CPT1A: variants seen among roughly 807,000 people sequenced by gnomAD.
The protein encoded by CPT1A is carnitine palmitoyltransferase 1A.
CPT1A carries 64 observed loss-of-function variants against 100.8 expected under a neutral mutation model. The observed-to-expected ratio is 0.63, with a 90% CI of 0.52 to 0.78. The LOEUF (loss-of-function observed/expected upper bound fraction) is 0.78. CPT1A is among the 30% of genes least tolerant of loss of function. CPT1A has a pLI of 0.00. For synonymous variants in CPT1A, 363 were observed against 396.0 expected, an observed-to-expected ratio of 0.92 and a Z score of 0.99; for missense variants, 802 against 1,034.1, an observed-to-expected ratio of 0.78 and a Z score of 3.08.
intron 4 of CPT1A, among the ~76,000 whole-genome samples, chr11:68,807,103 C>T (rs555905390): frequency 1.6e-4 from 24 of 152,208 alleles, no homozygotes; most frequent in African/African-American, 5.5e-4. Context: ...GTCTGAGTCA[C>T]GGGAGCCTGT....
intron 14 of CPT1A, among the ~76,000 whole-genome samples, chr11:68,771,485 C>A (rs915559860): frequency 2.0e-5 from 3 of 152,152 alleles, no homozygotes; most frequent in Non-Finnish European, 2.9e-5. Flanking sequence ...TTCTGAGATG[C>A]GATGCCTCTA....
At chr11:68,773,134 C>T (rs1382990211) in intron 14 of CPT1A, 131 bp downstream of exon 14, 77 of 1,497,252 alleles carry the variant, frequency 5.1e-5, no homozygotes, top group Middle Eastern at 2.4e-4. Flanking sequence ...CCCCGGAGAC[C>T]GGGGTCGGGG....
At chr11:68,838,572 T>TTAAAAAAAAAAAAAA (rs1491356211) in intron 1 of CPT1A, among the ~76,000 whole-genome samples, 5 of 95,514 alleles carry the variant, frequency 5.2e-5, no homozygotes, top group African/African-American at 2.5e-4. Context: ...TGCACCTTTT[T>TTAAAAAAAAAAAAAA]AAAAAAAAAA....
intron 1 of CPT1A, among the ~76,000 whole-genome samples, chr11:68,822,448 G>T (rs896220149): frequency 6.6e-6 from 1 of 151,776 alleles, no homozygotes; most frequent in Admixed American, 6.6e-5. Flanking sequence ...CAGGAGGATC[G>T]CTTGAGCCCA....
chr11:68,829,026 C>A (rs577221873), intron 1 of CPT1A, among the ~76,000 whole-genome samples: 27 of 152,268 alleles, frequency 1.8e-4, no homozygotes, highest in Non-Finnish European at 3.2e-4. Context: ...CGTCTTCACC[C>A]AGCCAAAACT....
downstream of CPT1A, chr11:68,754,854 T>A (rs1207458974): frequency 7.7e-6 from 6 of 780,932 alleles, no homozygotes; most frequent in South Asian, 5.4e-5. Flanking sequence ...ATAATCCCCT[T>A]AATATAACAA....
At chr11:68,796,284 C>T (rs571865160) in intron 7 of CPT1A, among the ~76,000 whole-genome samples, 3 of 152,138 alleles carry the variant, frequency 2.0e-5, no homozygotes, top group South Asian at 2.1e-4. Flanking sequence ...AGGCCGGGCA[C>T]GGTGGCTCAC....
Position 68,761,543 on chromosome 11 carries a change from G to A in CPT1A, c.2020C>T (p.Leu674Phe). The A allele has an allele frequency of 6.2e-7, 1 of 1,613,988 alleles. No individual in the cohort carries two copies. The highest frequency in any genetic ancestry group is 2.2e-5 in the East Asian group (1 of 44,878). ...SKYLAVESPF[L>F]KEVLSEPWRL... ...AAGTGGAAGAGACTTACTTCCTTAA[G>A]GAAAGGGGACTCCACAGCGAGATAT... is the stretch of plus-strand genomic sequence containing the variant. The change falls in exon 16 of 19, where the codon CTT becomes TTT. Residue 674 changes from leucine to phenylalanine, a missense_variant. Physicochemically the swap from Leu to Phe is conservative, Grantham distance 22. This residue lies in a region of CPT1A where 627 missense variants were observed against 799.3 expected (regional missense o/e 0.78). Transcript: ENST00000265641.
At chr11:68,800,191 C>T (rs1855866389) in intron 5 of CPT1A, among the ~76,000 whole-genome samples, 1 of 152,104 alleles carries the variant, frequency 6.6e-6, no homozygotes, top group Non-Finnish European at 1.5e-5. Context: ...AGGCTAAGGC[C>T]AGTGCCCCAG....
chr11:68,780,060 G>A (rs1472871652), intron 12 of CPT1A, among the ~76,000 whole-genome samples: 1 of 152,116 alleles, frequency 6.6e-6, no homozygotes, highest in Non-Finnish European at 1.5e-5. Context: ...CTGCTGTGAA[G>A]CTGCGGCCTG....
At chr11:68,808,733 T>A (rs1408241821) in intron 3 of CPT1A, among the ~76,000 whole-genome samples, 3 of 151,966 alleles carry the variant, frequency 2.0e-5, no homozygotes, top group African/African-American at 7.3e-5. Flanking sequence ...AAATATTTTT[T>A]AAATGAAAAC....
intron 7 of CPT1A, among the ~76,000 whole-genome samples, chr11:68,796,301 A>G (rs185539175): frequency 3.2e-4 from 49 of 152,052 alleles, no homozygotes; most frequent in Non-Finnish European, 6.6e-4. Flanking sequence ...TCACACCTGT[A>G]ATCCCAGCAC....
Position 68,826,562 on chromosome 11 carries a change from A to G in CPT1A, c.-13-11075T>C, listed in dbSNP as rs570692832. 4.0e-4 allele frequency among the ~76,000 whole-genome samples: 61 copies of G among 151,270 alleles called. 1 individual carries two copies. The South Asian group carries it at 0.012, about 30-fold the overall frequency. On this transcript the variant is annotated intron_variant, in intron 1 of 18. Transcript: ENST00000265641. ...ATCGTCGCTAACACGGTGAAACCCC[A>G]TCTCTACTAAAAATACAAAAAAAAA...
chr11:68,784,443 A>C (rs1855396373), intron 10 of CPT1A, among the ~76,000 whole-genome samples: 1 of 152,160 alleles, frequency 6.6e-6, no homozygotes, highest in Non-Finnish European at 1.5e-5. Context: ...TTGAGGCAGG[A>C]GAACTGCTTG....
chr11:68,781,821 C>T lies in CPT1A; in HGVS notation c.1302G>A (p.Thr434=), dbSNP rs1424284180. The part of the protein sequence containing the change: ...EEGYRSEDPD[T]SMDSYAKSLL... Reference sequence around the variant, plus strand: ...GAGATTTGGCGTAGCTGTCCATTGACGTATCCGGGTCTTCACTTCTGTATC... The same window carrying T: ...GAGATTTGGCGTAGCTGTCCATTGATGTATCCGGGTCTTCACTTCTGTATC... The change falls in exon 11 of 19, where the codon ACG becomes ACA. Residue 434 remains threonine (T), a synonymous_variant. Transcript: ENST00000265641. The T allele has an allele frequency of 1.2e-5, 19 of 1,614,032 alleles. 1 individual carries two copies. Among genetic ancestry groups the T allele is most frequent in the South Asian group, 7.7e-5 (7 of 91,082 alleles).
At chr11:68,765,079 G>A (rs533673939) in intron 14 of CPT1A, among the ~76,000 whole-genome samples, 6 of 152,358 alleles carry the variant, frequency 3.9e-5, no homozygotes, top group East Asian at 1.9e-4. Flanking sequence ...GATAGCAAAC[G>A]CGCCTTTCAG....
chr11:68,781,992 C>G, intron 10 of CPT1A, 33 bp from the exon 11 acceptor site: 1 of 1,588,328 alleles, frequency 6.3e-7, no homozygotes. Context: ...TTAAAGGCAG[C>G]CCGACCTGCA....
At chr11:68,842,140 G>A (rs1332996014), upstream of CPT1A, among the ~76,000 whole-genome samples, 1 of 152,136 alleles carries the variant, frequency 6.6e-6, no homozygotes, top group Non-Finnish European at 1.5e-5. Context: ...GAGCCATCTC[G>A]TGGAGGCCGT....
At chr11:68,821,198 G>A (rs1856572773) in intron 1 of CPT1A, among the ~76,000 whole-genome samples, 2 of 152,152 alleles carry the variant, frequency 1.3e-5, no homozygotes, top group Non-Finnish European at 2.9e-5. Flanking sequence ...TGTTGCCCAG[G>A]TTGGAGTGCA....
Sources: gnomAD v4.1 joint callset for allele counts (sites outside exome capture counted in the v4.1 genomes callset) on GRCh38, gnomAD v4.1.1 for gene constraint, gnomAD v4.1.1 regional missense constraint, MANE v1.5 for transcripts, NCBI Gene and HGNC (gene_info 2026-07-23, HGNC 2026-07-21) for gene names.